POLR2B: variants seen among roughly 807,000 people sequenced by gnomAD.
POLR2B encodes the protein DNA-directed RNA polymerase II subunit RPB2.
In POLR2B, 57 loss-of-function variants were observed where a neutral mutation model predicts 144.6. That is an observed-to-expected ratio of 0.39 (90% CI 0.32 to 0.49). The LOEUF (loss-of-function observed/expected upper bound fraction) is 0.49, where lower values mean the gene tolerates loss of function less well. Ranked by LOEUF, POLR2B falls within the 20% of genes least tolerant of loss-of-function variation. POLR2B has a pLI of 0.83. For missense variants in POLR2B, 595 were observed against 1,467.4 expected, an observed-to-expected ratio of 0.41 and a Z score of 9.71; for synonymous variants, 442 against 469.8, an observed-to-expected ratio of 0.94 and a Z score of 0.77.
At chr4:57,003,678 AC>A in intron 7 of POLR2B, among the ~76,000 whole-genome samples, 1 of 152,102 alleles carries the variant, frequency 6.6e-6, no homozygotes, top group South Asian at 2.1e-4. Context: ...CTCTGTCTCT[AC>A]AAAAAAAAGA....
At chr4:57,000,706 T>G (rs1277280) in intron 7 of POLR2B, among the ~76,000 whole-genome samples, 47,610 of 151,558 alleles carry the variant, frequency 0.31, 7,651 homozygotes, top group Admixed American at 0.4. Flanking sequence ...CTGTTTTTTT[T>G]GGGGGGGAGG....
rs866653300 is a variant in POLR2B at position 57,017,363 on chromosome 4, G to A, written c.2154+122G>A. On this transcript the variant is annotated intron_variant, in intron 15 of 24. Transcript: ENST00000314595. The surrounding 1 kb of genome is among the most constrained non-coding windows in gnomAD (Gnocchi z 4.8). ...TAATGAAAAGGCTATTAACTCCTACGGAATCAGTATTTGATATAATTGCTG... is the reference window on the plus strand; with the variant it reads ...TAATGAAAAGGCTATTAACTCCTACAGAATCAGTATTTGATATAATTGCTG... 4.1e-5 allele frequency: 33 copies of A among 805,622 alleles called. No homozygotes were observed. Among genetic ancestry groups the A allele is most frequent in the African/African-American group, 2.2e-4 (13 of 58,256 alleles). The allele number at this position is 805,622 out of a possible 1,614,324, so 49.9% of individuals were successfully genotyped here.
At chr4:57,005,778 T>C in intron 9 of POLR2B, 59 bp downstream of exon 9, 2 of 1,502,112 alleles carry the variant, frequency 1.3e-6, no homozygotes, top group Non-Finnish European at 1.8e-6. Flanking sequence ...TTTAGATTGA[T>C]CATTGCATAT....
At position 57,030,303 on chromosome 4, in the gene POLR2B, A is replaced by G; in HGVS notation, c.3339A>G (p.Pro1113=). 2 of 1,614,110 alleles carry G rather than the reference A, an allele frequency of 1.2e-6. No individual in the cohort carries two copies. The highest frequency in any genetic ancestry group is 1.7e-6 in the Non-Finnish European group (2 of 1,179,920). ...LRERLFEASD[P]YQVHVCNLCG... ...AAAGATTGTTTGAGGCATCAGATCC[A>G]TATCAGGTTCATGTTTGCAATCTTT... The change falls in exon 24 of 25, where the codon CCA becomes CCG. Residue 1113 remains proline, a synonymous_variant. Coordinates refer to ENST00000314595, the MANE Select transcript of POLR2B (RefSeq NM_000938.3).
chr4:56,982,426 G>A (rs1219500733), intron 1 of POLR2B, among the ~76,000 whole-genome samples: 1 of 151,984 alleles, frequency 6.6e-6, no homozygotes, highest in African/African-American at 2.4e-5. Context: ...TAAAAAATTA[G>A]CTGGGCATGG....
intron 3 of POLR2B, 35 bp downstream of exon 3, chr4:56,990,933 A>T: frequency 6.4e-7 from 1 of 1,561,868 alleles, no homozygotes; most frequent in Non-Finnish European, 8.7e-7. Flanking sequence ...AGGTACAAGA[A>T]GCGTATTGGT....
At chr4:56,987,884 A>G (rs1465078071) in intron 2 of POLR2B, among the ~76,000 whole-genome samples, 3 of 151,740 alleles carry the variant, frequency 2.0e-5, no homozygotes, top group Non-Finnish European at 4.4e-5. Context: ...TCTGTCTCAA[A>G]AAAAAAAAGA....
intron 9 of POLR2B, among the ~76,000 whole-genome samples, chr4:57,006,462 A>C (rs1399620850): frequency 6.6e-6 from 1 of 152,046 alleles, no homozygotes; most frequent in Non-Finnish European, 1.5e-5. Context: ...GTGCCATCAC[A>C]CCCAGCTAAT....
At chr4:56,992,116 T>G (rs1299533591) in intron 3 of POLR2B, among the ~76,000 whole-genome samples, 1 of 152,180 alleles carries the variant, frequency 6.6e-6, no homozygotes, top group East Asian at 1.9e-4. Context: ...GACTTAAATT[T>G]ACTATGAAGA....
At chr4:56,990,934 G>A in intron 3 of POLR2B, 36 bp downstream of exon 3, 4 of 1,559,964 alleles carry the variant, frequency 2.6e-6, no homozygotes, top group Non-Finnish European at 3.5e-6. Flanking sequence ...GGTACAAGAA[G>A]CGTATTGGTT....
rs759826731 is a variant in POLR2B at position 56,994,884 on chromosome 4, T to A, written c.576+18T>A. On this transcript the variant is annotated intron_variant, in intron 5 of 24. Coordinates refer to ENST00000314595, the MANE Select transcript of POLR2B (RefSeq NM_000938.3). Reference sequence around the variant, plus strand: ...CAGAAAAGGTATAGTAACATTATTTTAAAAAATTACAAAATGGTAGTTAAA... The same window carrying A: ...CAGAAAAGGTATAGTAACATTATTTAAAAAAATTACAAAATGGTAGTTAAA... 7 of 1,334,970 alleles carry A rather than the reference T, an allele frequency of 5.2e-6. No homozygotes were observed. The highest frequency in any genetic ancestry group is 2.4e-5 in the East Asian group (1 of 41,138). The allele number at this position is 1,334,970 out of a possible 1,614,324, so 82.7% of individuals were successfully genotyped here.
At chr4:57,004,227 G>A (rs148729314) in intron 7 of POLR2B, among the ~76,000 whole-genome samples, 14 of 135,526 alleles carry the variant, frequency 1.0e-4, no homozygotes, top group East Asian at 5.6e-4. Context: ...GGGTTTCACT[G>A]TGTTGGCCAG....
At chr4:57,026,666 G>A (rs1188857636) in intron 23 of POLR2B, among the ~76,000 whole-genome samples, 1 of 151,900 alleles carries the variant, frequency 6.6e-6, no homozygotes, top group Non-Finnish European at 1.5e-5. Flanking sequence ...GGGAGCCTGA[G>A]GGAAGAATTG....
intron 21 of POLR2B, 47 bp from the exon 22 acceptor site, chr4:57,024,839 G>C (rs1396826408): frequency 2.2e-6 from 2 of 921,672 alleles, no homozygotes; most frequent in Non-Finnish European, 1.7e-6. Flanking sequence ...CTTTTAGGGG[G>C]AGACAGACTG....
intron 7 of POLR2B, among the ~76,000 whole-genome samples, chr4:57,002,228 C>T (rs1001639758): frequency 7.2e-5 from 11 of 152,020 alleles, no homozygotes; most frequent in Non-Finnish European, 1.3e-4. Context: ...GGAGTTTTGC[C>T]GTGTTGCCCA....
intron 6 of POLR2B, among the ~76,000 whole-genome samples, chr4:56,999,188 C>T (rs1282445887): frequency 1.6e-4 from 23 of 145,998 alleles, no homozygotes; most frequent in African/African-American, 4.8e-4. Context: ...AGCTTTTTTC[C>T]GTATTTGTCT....
At chr4:57,003,111 G>T (rs555213200) in intron 7 of POLR2B, among the ~76,000 whole-genome samples, 21 of 152,308 alleles carry the variant, frequency 1.4e-4, no homozygotes, top group Middle Eastern at 3.4e-3. Context: ...GGAATGGGAG[G>T]CAGGTCTCTT....
chr4:57,015,080 G>C (rs767749973), intron 13 of POLR2B, among the ~76,000 whole-genome samples: 1 of 144,428 alleles, frequency 6.9e-6, no homozygotes, highest in Admixed American at 6.9e-5. Flanking sequence ...CGTCTGATAG[G>C]TGGGTGTGAG....
intron 3 of POLR2B, among the ~76,000 whole-genome samples, chr4:56,993,603 T>A (rs780277978): frequency 2.0e-5 from 3 of 152,232 alleles, no homozygotes; most frequent in Non-Finnish European, 4.4e-5. Flanking sequence ...AAAGTTGTCC[T>A]CATGGATCTT....
Sources: allele counts gnomAD v4.1 joint callset (sites outside exome capture counted in the v4.1 genomes callset), GRCh38; gene constraint gnomAD v4.1.1; non-coding constraint Gnocchi (gnomAD v3.1); transcripts MANE v1.5; gene names NCBI Gene and HGNC (gene_info 2026-07-23, HGNC 2026-07-21).